Variants in MCU observed in about 807,000 individuals in gnomAD.
The protein encoded by MCU is mitochondrial calcium uniporter.
In MCU, 12 loss-of-function variants were observed where a neutral mutation model predicts 45.2. The observed-to-expected ratio is 0.27, with a 90% CI of 0.17 to 0.43. The LOEUF is 0.43. Among genes scored for constraint, MCU ranks in the 20% least tolerant of loss-of-function variants. The pLI is 1.00. For synonymous variants in MCU, 160 were observed against 165.1 expected, an observed-to-expected ratio of 0.97 and a Z score of 0.24; for missense variants, 324 against 436.7, an observed-to-expected ratio of 0.74 and a Z score of 2.30.
At chr10:72,878,111 CTTTTTTTTT>C (rs10715401) in intron 6 of MCU, among the ~76,000 whole-genome samples, 4 of 77,952 alleles carry the variant, frequency 5.1e-5, no homozygotes, top group Middle Eastern at 0.024. Context: ...AATAATTTTG[CTTTTTTTTT>C]TTTTTTTTTT....
chr10:72,811,200 T>C (rs550607042), intron 1 of MCU, among the ~76,000 whole-genome samples: 11 of 152,320 alleles, frequency 7.2e-5, no homozygotes, highest in Admixed American at 2.6e-4. Flanking sequence ...TATAAAATAG[T>C]TGATAAGATT....
chr10:72,825,967 C>T (rs1303670418), intron 1 of MCU, among the ~76,000 whole-genome samples: 1 of 152,132 alleles, frequency 6.6e-6, no homozygotes, highest in East Asian at 1.9e-4. Context: ...TGTCATGTTT[C>T]CTCTCTATGA....
At chr10:72,720,937 G>A (rs1393996245) in intron 1 of MCU, 2 of 152,120 alleles carry the variant, frequency 1.3e-5, no homozygotes, top group Non-Finnish European at 2.9e-5. Flanking sequence ...GACATGTTTA[G>A]GTTAGAGTTA....
At chr10:72,692,590 G>C (rs1403730507) in intron 1 of MCU, 5 of 1,098,664 alleles carry the variant, frequency 4.6e-6, no homozygotes, top group Non-Finnish European at 5.5e-6. Context: ...ACCTCTCCCC[G>C]ACTCGCCCCC....
intron 1 of MCU, among the ~76,000 whole-genome samples, chr10:72,709,050 C>T (rs1842857597): frequency 6.6e-6 from 1 of 152,034 alleles, no homozygotes; most frequent in Non-Finnish European, 1.5e-5. Context: ...GTGGCATCTA[C>T]CTGGCATGAT....
At chr10:72,700,959 G>A (rs1200883643) in intron 1 of MCU, among the ~76,000 whole-genome samples, 2 of 152,090 alleles carry the variant, frequency 1.3e-5, no homozygotes, top group African/African-American at 2.4e-5. Context: ...CTGTGTAGAC[G>A]ACAGTTAGAA....
At chr10:72,850,335 A>T (rs1749939651) in intron 2 of MCU, among the ~76,000 whole-genome samples, 1 of 152,202 alleles carries the variant, frequency 6.6e-6, no homozygotes, top group South Asian at 2.1e-4. Context: ...GACAATGTTA[A>T]GATCATAAGC....
At chr10:72,867,782 G>A (rs1845479847) in intron 4 of MCU, among the ~76,000 whole-genome samples, 1 of 151,170 alleles carries the variant, frequency 6.6e-6, no homozygotes, top group Non-Finnish European at 1.5e-5. Context: ...GTGAACCCAG[G>A]AGGTGGAGCT....
At chr10:72,758,670 T>C (rs925128328) in intron 1 of MCU, among the ~76,000 whole-genome samples, 1 of 152,194 alleles carries the variant, frequency 6.6e-6, no homozygotes, top group Admixed American at 6.5e-5. Context: ...AATAAACCAA[T>C]GCTTTTGCTG....
At chr10:72,712,127 C>G (rs533785217) in intron 1 of MCU, among the ~76,000 whole-genome samples, 1 of 151,992 alleles carries the variant, frequency 6.6e-6, no homozygotes, top group African/African-American at 2.4e-5. Flanking sequence ...GTCTCTATTT[C>G]ATATATTTAA....
chr10:72,856,765 C>T (rs1845296241), intron 2 of MCU, among the ~76,000 whole-genome samples: 1 of 121,242 alleles, frequency 8.2e-6, no homozygotes, highest in Non-Finnish European at 1.7e-5. Context: ...GAAACCCTGT[C>T]TCTAAAAAAA....
chr10:72,767,719 A>T (rs1321162573), intron 1 of MCU, among the ~76,000 whole-genome samples: 1 of 152,116 alleles, frequency 6.6e-6, no homozygotes, highest in Non-Finnish European at 1.5e-5. Context: ...AGGATTTAAG[A>T]TTTGTGTTTG....
In MCU at chr10:72,805,097, CTTTCTCTTTCTT is replaced by C. The variant is rs1409688126; in HGVS notation, c.151-29260_151-29249del. 3.7e-4 allele frequency among the ~76,000 whole-genome samples: 51 copies of C among 139,638 alleles called. No homozygotes were observed. The South Asian group carries it at 5.6e-3, about 15-fold the overall frequency. The allele number at this position is 139,638 out of a possible 152,430, so 91.6% of individuals were successfully genotyped here. On this transcript the variant is annotated intron_variant, in intron 1 of 7. Coordinates refer to ENST00000373053, the MANE Select transcript of MCU (RefSeq NM_138357.3). Reference sequence around the variant, plus strand: ...AGTTTGTTTCTTTCTTTCTTTCTTTCTTTCTCTTTCTTTCTTTCTTTCTTTCTTTCTTTCTTT... The same window carrying C: ...AGTTTGTTTCTTTCTTTCTTTCTTTCTCTTTCTTTCTTTCTTTCTTTCTTT...
chr10:72,886,083 T>C lies in MCU; in HGVS notation c.*261T>C, dbSNP rs922037024. 9 of 364,118 alleles carry C rather than the reference T, an allele frequency of 2.5e-5. No individual in the cohort carries two copies. The highest frequency in any genetic ancestry group is 4.0e-5 in the Non-Finnish European group (8 of 200,870). The allele number at this position is 364,118 out of a possible 1,614,324, so 22.6% of individuals were successfully genotyped here. On this transcript the variant is annotated 3_prime_UTR_variant, in exon 8 of 8. Transcript: ENST00000373053. ...TCTGGATGAAAATGATGCAGTTATATAGTTGAGAGATTCATAAAGAGAAAA... is the reference window on the plus strand; with the variant it reads ...TCTGGATGAAAATGATGCAGTTATACAGTTGAGAGATTCATAAAGAGAAAA...
intron 1 of MCU, among the ~76,000 whole-genome samples, chr10:72,707,197 TC>T (rs1461675510): frequency 6.7e-6 from 1 of 148,356 alleles, no homozygotes; most frequent in Non-Finnish European, 1.5e-5. Context: ...CATTTTGAAA[TC>T]TTTTTTTTTT....
chr10:72,885,663 G>C lies in MCU; in HGVS notation c.979-82G>C. On this transcript the variant is annotated intron_variant, in intron 7 of 7. Coordinates refer to ENST00000373053, the MANE Select transcript of MCU (RefSeq NM_138357.3). ...GATCTCTCTGACTTATAGTAATGGA[G>C]AACAGTTTCCTTTTCTTGGTAGACA... is the stretch of plus-strand genomic sequence containing the variant. 3.5e-6 allele frequency: 3 copies of C among 869,156 alleles called. No homozygotes were observed. In the Admixed American group the frequency reaches 6.0e-5, roughly 17 times the overall value. 53.8% of individuals were successfully genotyped at this position (869,156 alleles called of 1,614,324 possible).
chr10:72,808,893 C>A (rs1374282014), intron 1 of MCU, among the ~76,000 whole-genome samples: 2 of 152,162 alleles, frequency 1.3e-5, no homozygotes, highest in Non-Finnish European at 2.9e-5. Flanking sequence ...ATGATTCAGT[C>A]ACCTCCCACC....
intron 1 of MCU, among the ~76,000 whole-genome samples, chr10:72,792,364 G>T (rs140477521): frequency 2.8e-4 from 43 of 152,286 alleles, no homozygotes; most frequent in African/African-American, 1.0e-3. Context: ...AAACTTTTCC[G>T]ATTTGTGCTT....
intron 1 of MCU, among the ~76,000 whole-genome samples, chr10:72,785,907 T>C (rs764344563): frequency 1.3e-5 from 2 of 152,152 alleles, no homozygotes; most frequent in Non-Finnish European, 2.9e-5. Flanking sequence ...ACTGAATATA[T>C]ACTATGGGAA....
Sources: allele counts gnomAD v4.1 joint callset (sites outside exome capture counted in the v4.1 genomes callset), GRCh38; gene constraint gnomAD v4.1.1; transcripts MANE v1.5; gene names NCBI Gene and HGNC (gene_info 2026-07-23, HGNC 2026-07-21).